Variants in ACLY observed in about 807,000 individuals in gnomAD.
ACLY encodes the protein ATP citrate lyase.
In ACLY, 41 loss-of-function variants were observed where a neutral mutation model predicts 133.0. The observed-to-expected ratio is 0.31, with a 90% CI of 0.24 to 0.40. The LOEUF (loss-of-function observed/expected upper bound fraction) is 0.40, where lower values mean the gene tolerates loss of function less well. ACLY is among the 10% of genes least tolerant of loss of function. The pLI, the probability that ACLY is intolerant of heterozygous loss-of-function variation, is 1.00. For missense variants in ACLY, 1,046 were observed against 1,453.8 expected, an observed-to-expected ratio of 0.72 and a Z score of 4.56; for synonymous variants, 495 against 549.3, an observed-to-expected ratio of 0.90 and a Z score of 1.38.
At chr17:41,909,134 C>A in intron 5 of ACLY, 66 bp from the exon 6 acceptor site, 1 of 1,281,762 alleles carries the variant, frequency 7.8e-7, no homozygotes, top group East Asian at 2.3e-5. Flanking sequence ...ACCCCAGGCG[C>A]CCCGCAGCAA....
chr17:41,873,419 G>C (rs1555625446), intron 23 of ACLY, among the ~76,000 whole-genome samples: 1 of 152,158 alleles, frequency 6.6e-6, no homozygotes, highest in Non-Finnish European at 1.5e-5. Context: ...GACCTCAGGT[G>C]ATCCACTCAC....
intron 16 of ACLY, 149 bp from the exon 17 acceptor site, chr17:41,887,852 G>T: frequency 1.6e-6 from 1 of 637,920 alleles, no homozygotes; most frequent in African/African-American, 1.8e-5. Flanking sequence ...TATCAGCCGG[G>T]CGCGGTGGCT....
intron 17 of ACLY, among the ~76,000 whole-genome samples, chr17:41,887,393 G>A (rs1055686154): frequency 2.9e-4 from 44 of 151,962 alleles, no homozygotes; most frequent in Admixed American, 2.8e-3. Flanking sequence ...AGCCAGGATC[G>A]CGCCATTGCA....
intron 22 of ACLY, 95 bp downstream of exon 22, chr17:41,878,008 T>A (rs1461293836): frequency 1.4e-6 from 1 of 732,992 alleles, no homozygotes; most frequent in Non-Finnish European, 2.0e-6. Flanking sequence ...GAAGGCCTGG[T>A]TTCCAAGAGT....
At chr17:41,887,546 G>A (rs1351949972) in intron 17 of ACLY, 53 bp downstream of exon 17, 2 of 1,489,092 alleles carry the variant, frequency 1.3e-6, no homozygotes, top group East Asian at 4.5e-5. Flanking sequence ...TAAGGGCATT[G>A]AACTTCATAA....
At chr17:41,887,125 AAG>A (rs1555628322) in intron 17 of ACLY, among the ~76,000 whole-genome samples, 1 of 101,302 alleles carries the variant, frequency 9.9e-6, no homozygotes, top group Non-Finnish European at 2.1e-5. Flanking sequence ...CTCCGTCTCA[AAG>A]AAAAAAAAAA....
At chr17:41,898,246 G>A (rs529172944) in intron 12 of ACLY, among the ~76,000 whole-genome samples, 6 of 152,276 alleles carry the variant, frequency 3.9e-5, no homozygotes, top group African/African-American at 1.4e-4. Flanking sequence ...CCGAGTAGCT[G>A]GGATTACAGA....
chr17:41,923,855 G>A (rs559673084), upstream of ACLY, among the ~76,000 whole-genome samples: 1 of 152,172 alleles, frequency 6.6e-6, no homozygotes, highest in South Asian at 2.1e-4. Flanking sequence ...CTGTCACCCA[G>A]GCTGGAGTGC....
At chr17:41,905,406 A>G in intron 9 of ACLY, 116 bp downstream of exon 9, 2 of 1,377,884 alleles carry the variant, frequency 1.5e-6, no homozygotes, top group Non-Finnish European at 2.0e-6. Context: ...ATTAGCCTCA[A>G]GTTGCAAAGG....
intron 17 of ACLY, among the ~76,000 whole-genome samples, chr17:41,886,615 C>T (rs1597993649): frequency 1.3e-5 from 2 of 152,284 alleles, no homozygotes; most frequent in South Asian, 2.1e-4. Flanking sequence ...TAAATACTAG[C>T]TCCATTTTTT....
intron 22 of ACLY, among the ~76,000 whole-genome samples, chr17:41,874,364 T>C (rs916111536): frequency 1.1e-4 from 17 of 152,188 alleles, no homozygotes; most frequent in Non-Finnish European, 1.0e-4. Flanking sequence ...AACTCCTAGC[T>C]AGGCTCAAGC....
At chr17:41,924,390 G>A (rs1457012924) in intron 1 of ACLY, among the ~76,000 whole-genome samples, 9 of 151,182 alleles carry the variant, frequency 6.0e-5, no homozygotes, top group East Asian at 1.9e-4. Flanking sequence ...CTCGTGATCC[G>A]CCCGCCTCAG....
In ACLY at chr17:41,898,733, C is replaced by T. The variant is rs1555630930; in HGVS notation, c.1236G>A (p.Thr412=). ...GGCCCAGGGCCATGCCCACAATGGC[C>T]GTCATGTGAGTCTCTGTGCCAAAGA... The part of the protein sequence containing the change: ...IHVFGTETHM[T]AIVGMALGHR... The change falls in exon 12 of 29, where the codon ACG becomes ACA. Residue 412 remains threonine, a synonymous_variant. Transcript: ENST00000352035. 3 of 1,613,850 alleles carry T rather than the reference C, an allele frequency of 1.9e-6. No homozygotes were observed. The highest frequency in any genetic ancestry group is 1.7e-6 in the Non-Finnish European group (2 of 1,179,988).
intron 1 of ACLY, among the ~76,000 whole-genome samples, chr17:41,917,219 C>T (rs2050075338): frequency 6.6e-6 from 1 of 151,918 alleles, no homozygotes; most frequent in East Asian, 1.9e-4. Flanking sequence ...TGGGACCGCT[C>T]CCCAGAACGT....
upstream of ACLY, among the ~76,000 whole-genome samples, chr17:41,921,293 G>A (rs1219818593): frequency 2.0e-5 from 3 of 151,758 alleles, no homozygotes; most frequent in Non-Finnish European, 4.4e-5. Flanking sequence ...GTGAGACTCC[G>A]TCTCAAAACA....
intron 1 of ACLY, among the ~76,000 whole-genome samples, chr17:41,924,284 A>G (rs1729477080): frequency 6.6e-6 from 1 of 151,368 alleles, no homozygotes; most frequent in Non-Finnish European, 1.5e-5. Flanking sequence ...AGCTGAGACT[A>G]CAGGCACGTG....
At chr17:41,907,624 C>T in intron 6 of ACLY, 52 bp from the exon 7 acceptor site, 1 of 1,595,304 alleles carries the variant, frequency 6.3e-7, no homozygotes, top group South Asian at 1.1e-5. Flanking sequence ...GTAGAGACAA[C>T]CACCAACCTC....
At chr17:41,879,005 T>G in intron 20 of ACLY, 81 bp from the exon 21 acceptor site, 2 of 1,561,776 alleles carry the variant, frequency 1.3e-6, no homozygotes, top group Non-Finnish European at 1.8e-6. Context: ...GCTAAACACT[T>G]TACATGAATC....
intron 10 of ACLY, among the ~76,000 whole-genome samples, chr17:41,902,670 AGTACCT>A (rs1475729520): frequency 6.6e-6 from 1 of 152,248 alleles, no homozygotes; most frequent in African/African-American, 2.4e-5. Flanking sequence ...TTCCATGTAC[AGTACCT>A]GCTCCAAACC....
Sources: gnomAD v4.1 joint callset for allele counts (sites outside exome capture counted in the v4.1 genomes callset) on GRCh38, gnomAD v4.1.1 for gene constraint, MANE v1.5 for transcripts, NCBI Gene and HGNC (gene_info 2026-07-23, HGNC 2026-07-21) for gene names.